The following SLC35F3 variants were observed in gnomAD, a reference collection of about 807,000 sequenced individuals.
SLC35F3 encodes solute carrier family 35 member F3, also known as putative thiamine transporter SLC35F3.
SLC35F3 carries 25 observed loss-of-function variants against 49.9 expected under a neutral mutation model. The observed-to-expected ratio is 0.50, with a 90% confidence interval of 0.37 to 0.70. The LOEUF is 0.70. SLC35F3 is among the 30% of genes least tolerant of loss of function. SLC35F3 has a pLI of 0.00. For synonymous variants in SLC35F3, 275 were observed against 265.4 expected (o/e 1.04, Z -0.35); for missense variants, 525 against 639.8 (o/e 0.82, Z 1.94).
intron 3 of SLC35F3, among the ~76,000 whole-genome samples, chr1:234,263,660 C>CA (rs1215162404): frequency 6.6e-6 from 1 of 152,174 alleles, no homozygotes; most frequent in African/African-American, 2.4e-5. Context: ...AATTCTAATG[C>CA]AGTTGAAGTT....
intron 2 of SLC35F3, among the ~76,000 whole-genome samples, chr1:233,988,176 G>A (rs993597694): frequency 1.3e-5 from 2 of 152,102 alleles, no homozygotes; most frequent in African/African-American, 4.8e-5. Context: ...TCAGGGTCAC[G>A]GTCTAGGGAT....
At chr1:234,156,442 G>A (rs115835251) in intron 2 of SLC35F3, among the ~76,000 whole-genome samples, 1 of 152,114 alleles carries the variant, frequency 6.6e-6, no homozygotes, top group African/African-American at 2.4e-5. Flanking sequence ...GCACAAAAAC[G>A]TTCAGGATTA....
At chr1:234,077,737 G>A (rs191979632) in intron 2 of SLC35F3, among the ~76,000 whole-genome samples, 1 of 152,212 alleles carries the variant, frequency 6.6e-6, no homozygotes, top group East Asian at 1.9e-4. Flanking sequence ...CTCAGCTGTG[G>A]GGCTCAACTC....
chr1:234,283,108 T>C (rs1225650742), intron 3 of SLC35F3, among the ~76,000 whole-genome samples: 1 of 152,160 alleles, frequency 6.6e-6, no homozygotes, highest in African/African-American at 2.4e-5. Flanking sequence ...ATCAGGGCCA[T>C]GGGATTGAAG....
chr1:234,191,576 A>C (rs1411933135), intron 2 of SLC35F3, among the ~76,000 whole-genome samples: 1 of 152,182 alleles, frequency 6.6e-6, no homozygotes, highest in Non-Finnish European at 1.5e-5. Flanking sequence ...AGCCCAGCAG[A>C]AGAAGAGAAA....
At chr1:234,084,859 T>C (rs1664938256) in intron 2 of SLC35F3, among the ~76,000 whole-genome samples, 1 of 152,208 alleles carries the variant, frequency 6.6e-6, no homozygotes, top group African/African-American at 2.4e-5. Flanking sequence ...TGGATTTGTT[T>C]TTGGGATTCT....
chr1:234,291,670 C>T (rs1034707383), intron 3 of SLC35F3, among the ~76,000 whole-genome samples: 1 of 152,114 alleles, frequency 6.6e-6, no homozygotes, highest in African/African-American at 2.4e-5. Flanking sequence ...CTCAAGTGAT[C>T]CTCCTGCCTT....
At chr1:234,234,710 T>C (rs575752710) in intron 3 of SLC35F3, among the ~76,000 whole-genome samples, 7 of 152,260 alleles carry the variant, frequency 4.6e-5, no homozygotes, top group Non-Finnish European at 8.8e-5. Flanking sequence ...GCCCTGGTCC[T>C]CTTCAAGCCC....
intron 2 of SLC35F3, among the ~76,000 whole-genome samples, chr1:233,984,880 C>T (rs866318021): frequency 2.0e-5 from 3 of 152,154 alleles, no homozygotes; most frequent in Non-Finnish European, 4.4e-5. Context: ...ATGATTCTAG[C>T]TTCCTTGGTT....
intron 2 of SLC35F3, among the ~76,000 whole-genome samples, chr1:234,189,421 G>A (rs571895945): frequency 2.0e-5 from 3 of 151,080 alleles, no homozygotes; most frequent in East Asian, 3.9e-4. Flanking sequence ...AATGCAAGAT[G>A]TACTGGAAAG....
At position 234,152,224 on chromosome 1, in the gene SLC35F3, ATTG is replaced by A. The variant is rs111536958; in HGVS notation, c.284-79190_284-79188del. ...AAAATGGAGTAACATTATTATTATTATTGTTATTATTATTATTATTATTATTAT... is the reference window on the plus strand; with the variant it reads ...AAAATGGAGTAACATTATTATTATTATTATTATTATTATTATTATTATTAT... On this transcript the variant is annotated intron_variant, in intron 2 of 7. Transcript: ENST00000366618. Among the ~76,000 whole-genome samples the A allele has an allele frequency of 8.8e-4, 112 of 126,578 alleles. No homozygotes were observed. In the South Asian group the frequency reaches 9.1e-3, roughly 10 times the overall value. The allele number at this position is 126,578 out of a possible 152,430, so 83.0% of individuals were successfully genotyped here.
chr1:234,171,980 C>T (rs1253328829), intron 2 of SLC35F3, among the ~76,000 whole-genome samples: 3 of 152,136 alleles, frequency 2.0e-5, no homozygotes, highest in Non-Finnish European at 2.9e-5. Context: ...TCCCCAACCC[C>T]AGAAACTGAT....
At chr1:234,041,831 T>G (rs1442498659) in intron 2 of SLC35F3, among the ~76,000 whole-genome samples, 1 of 152,190 alleles carries the variant, frequency 6.6e-6, no homozygotes, top group Non-Finnish European at 1.5e-5. Context: ...TCAATAATCA[T>G]ATTGACCAGA....
At chr1:233,977,737 G>A (rs1388809799) in intron 2 of SLC35F3, among the ~76,000 whole-genome samples, 2 of 152,196 alleles carry the variant, frequency 1.3e-5, no homozygotes, top group African/African-American at 2.4e-5. Flanking sequence ...CAGCAGTTCA[G>A]ATATTTGCTT....
At chr1:234,059,394 C>G (rs1233908404) in intron 2 of SLC35F3, among the ~76,000 whole-genome samples, 1 of 151,594 alleles carries the variant, frequency 6.6e-6, no homozygotes, top group Non-Finnish European at 1.5e-5. Context: ...TCATTCATCT[C>G]AAAGTATTTT....
At chr1:234,112,245 G>C (rs1665418407) in intron 2 of SLC35F3, among the ~76,000 whole-genome samples, 1 of 152,164 alleles carries the variant, frequency 6.6e-6, no homozygotes. Context: ...CAGCTGCTCA[G>C]GAGGCTGAGG....
In SLC35F3 at chr1:234,309,303, A is replaced by C. The variant is rs1657291326; in HGVS notation, c.811A>C (p.Arg271=). The C allele has an allele frequency of 6.2e-7, 1 of 1,614,216 alleles. No individual in the cohort carries two copies. Among genetic ancestry groups the C allele is most frequent in the Non-Finnish European group, 8.5e-7 (1 of 1,180,002 alleles). The change falls in exon 4 of 8, where the codon AGA becomes CGA. Residue 271 remains arginine (R), a synonymous_variant. Transcript: ENST00000366618. ...FLLSWIVLRD[R]FMGVRIVAAI... Reference sequence around the variant, plus strand: ...GCTCTCATGGATCGTTCTCAGGGACAGATTCATGGGAGTGAGGGTAAGTTC... The same window carrying C: ...GCTCTCATGGATCGTTCTCAGGGACCGATTCATGGGAGTGAGGGTAAGTTC...
chr1:234,240,743 C>A (rs1364981163), intron 3 of SLC35F3, among the ~76,000 whole-genome samples: 1 of 152,194 alleles, frequency 6.6e-6, no homozygotes, highest in East Asian at 1.9e-4. Flanking sequence ...GTAACTGAGT[C>A]TTCCTCCTTA....
At chr1:234,243,213 G>T (rs1667581069) in intron 3 of SLC35F3, among the ~76,000 whole-genome samples, 1 of 152,092 alleles carries the variant, frequency 6.6e-6, no homozygotes, top group Admixed American at 6.6e-5. Context: ...AAATTAGCTG[G>T]GCGTGGTGGT....
Sources: gnomAD v4.1 joint callset for allele counts (sites outside exome capture counted in the v4.1 genomes callset) on GRCh38, gnomAD v4.1.1 for gene constraint, MANE v1.5 for transcripts, NCBI Gene and HGNC (gene_info 2026-07-23, HGNC 2026-07-21) for gene names.